Variants in GNA12 observed in about 807,000 individuals in gnomAD.
GNA12 encodes the protein G protein subunit alpha 12.
A neutral mutation model predicts 26.0 loss-of-function variants in GNA12; 9 were observed. The observed-to-expected ratio is 0.35, with a 90% CI of 0.21 to 0.60. The LOEUF is 0.60. Ranked by LOEUF, GNA12 falls within the 20% of genes least tolerant of loss-of-function variation. The probability of loss-of-function intolerance (pLI) is 0.78; values close to 1 mark genes in which losing one functional copy is unlikely to be tolerated. For synonymous variants in GNA12, 264 were observed against 219.6 expected (o/e 1.20, Z -1.79); for missense variants, 405 against 525.8 (o/e 0.77, Z 2.25).
At chr7:2,830,495 G>A (rs1162004979) in intron 1 of GNA12, among the ~76,000 whole-genome samples, 1 of 152,226 alleles carries the variant, frequency 6.6e-6, no homozygotes, top group Non-Finnish European at 1.5e-5. Context: ...CCCCTGTGGG[G>A]AGGGCGGCTC....
intron 2 of GNA12, among the ~76,000 whole-genome samples, chr7:2,757,820 A>G (rs911052086): frequency 2.0e-5 from 3 of 152,158 alleles, no homozygotes; most frequent in Non-Finnish European, 4.4e-5. Flanking sequence ...ACGCTTGCTG[A>G]GTCAATGAAG....
intron 1 of GNA12, among the ~76,000 whole-genome samples, chr7:2,836,551 G>C (rs951576816): frequency 6.6e-6 from 1 of 152,192 alleles, no homozygotes; most frequent in African/African-American, 2.4e-5. Context: ...TCCAAGAAGA[G>C]CCTGTTCTTG....
chr7:2,819,218 C>T lies in GNA12; in HGVS notation c.310-24075G>A, dbSNP rs111308014. On this transcript the variant is annotated intron_variant, in intron 1 of 3. Coordinates refer to ENST00000275364, the MANE Select transcript of GNA12 (RefSeq NM_007353.3). ...AGCCGAGGGAGGTCAGAAAAGAAACCGGACCTCAGTCCTACAGCTGCAAGG... is the reference window on the plus strand; with the variant it reads ...AGCCGAGGGAGGTCAGAAAAGAAACTGGACCTCAGTCCTACAGCTGCAAGG... Among the ~76,000 whole-genome samples the T allele has an allele frequency of 7.2e-3, 1,103 of 152,244 alleles. 13 individuals are homozygous for T. Among genetic ancestry groups the T allele is most frequent in the African/African-American group, 0.025 (1,042 of 41,522 alleles).
intron 2 of GNA12, among the ~76,000 whole-genome samples, chr7:2,788,332 G>A (rs1022429361): frequency 5.3e-5 from 8 of 150,868 alleles, no homozygotes; most frequent in African/African-American, 1.7e-4. Context: ...CCAGGTAACT[G>A]TGTTCCCGTT....
intron 2 of GNA12, among the ~76,000 whole-genome samples, chr7:2,751,310 C>T (rs899538360): frequency 2.0e-5 from 3 of 150,334 alleles, no homozygotes; most frequent in African/African-American, 7.3e-5. Context: ...AGGATCACTT[C>T]AACCCAGAAG....
chr7:2,756,674 C>A (rs1410877558), intron 2 of GNA12, among the ~76,000 whole-genome samples: 1 of 152,212 alleles, frequency 6.6e-6, no homozygotes, highest in Non-Finnish European at 1.5e-5. Context: ...GAAAAGATTT[C>A]TGTGCTGTCA....
Position 2,843,445 on chromosome 7 carries a change from G to A in GNA12, c.309+408C>T, listed in dbSNP as rs547526415. ...GGATCACTTGAGGCCAGGAGACTGA[G>A]ACCAGCCTGGGCAACACAGCAAGAC... On this transcript the variant is annotated intron_variant, in intron 1 of 3. Transcript: ENST00000275364. Among the ~76,000 whole-genome samples the A allele has an allele frequency of 9.2e-5, 14 of 152,218 alleles. No individual in the cohort carries two copies. In the South Asian group the frequency reaches 1.0e-3, roughly 11 times the overall value.
chr7:2,842,248 C>T (rs1779018557), intron 1 of GNA12, among the ~76,000 whole-genome samples: 1 of 152,126 alleles, frequency 6.6e-6, no homozygotes, highest in South Asian at 2.1e-4. Context: ...CCAGATCTTC[C>T]TTGAGGCCCT....
intron 2 of GNA12, among the ~76,000 whole-genome samples, chr7:2,744,080 T>TC (rs1790645502): frequency 6.6e-6 from 1 of 152,176 alleles, no homozygotes; most frequent in Non-Finnish European, 1.5e-5. Context: ...CTCTGTAGGT[T>TC]CCCCCTCTGG....
At chr7:2,770,615 C>A (rs892880425) in intron 2 of GNA12, among the ~76,000 whole-genome samples, 1 of 151,748 alleles carries the variant, frequency 6.6e-6, no homozygotes, top group African/African-American at 2.4e-5. Context: ...CAGCCTGGGC[C>A]ACATAGTGAG....
Position 2,731,334 on chromosome 7 carries a change from C to T in GNA12, c.993G>A (p.Leu331=). Reference sequence around the variant, plus strand: ...GTCTCTTCCTGTCGAAGCACTGGACCAGGTAGCGCTGGACGTCCTCCAGCC... The same window carrying T: ...GTCTCTTCCTGTCGAAGCACTGGACTAGGTAGCGCTGGACGTCCTCCAGCC... The part of the protein sequence containing the change: ...PHRLEDVQRY[L]VQCFDRKRRN... Residue 331 remains leucine, a synonymous_variant, in exon 4 of 4, where the codon CTG becomes CTA. Transcript: ENST00000275364. The surrounding 1 kb of genome is among the most constrained non-coding windows in gnomAD (Gnocchi z 6.0). 6.2e-7 allele frequency: 1 copy of T among 1,613,928 alleles called. No homozygotes were observed. The highest frequency in any genetic ancestry group is 8.5e-7 in the Non-Finnish European group (1 of 1,179,970).
chr7:2,814,088 C>A (rs890520942), intron 1 of GNA12, among the ~76,000 whole-genome samples: 1 of 152,152 alleles, frequency 6.6e-6, no homozygotes, highest in Non-Finnish European at 1.5e-5. Flanking sequence ...GTTCTCAGGC[C>A]TTCGGACATG....
chr7:2,769,977 C>G (rs1267468496), intron 2 of GNA12, among the ~76,000 whole-genome samples: 1 of 151,832 alleles, frequency 6.6e-6, no homozygotes, highest in Non-Finnish European at 1.5e-5. Context: ...AGTACTTTTT[C>G]AAAATTGCTT....
At chr7:2,774,669 C>T (rs982086016) in intron 2 of GNA12, among the ~76,000 whole-genome samples, 2 of 152,252 alleles carry the variant, frequency 1.3e-5, no homozygotes, top group Non-Finnish European at 2.9e-5. Flanking sequence ...ACAGTCAACA[C>T]GTGTCACTGA....
intron 1 of GNA12, among the ~76,000 whole-genome samples, chr7:2,842,364 A>G (rs1254075372): frequency 6.6e-6 from 1 of 152,062 alleles, no homozygotes; most frequent in East Asian, 1.9e-4. Context: ...AGTGGCCCAA[A>G]CATGGCTCAC....
rs1220916680 is a variant in GNA12 at position 2,737,269 on chromosome 7, GTTTT to G, written c.526-3772_526-3769del. Reference sequence around the variant, plus strand: ...CATTCAGGAGCTATCTCACAGTTTTGTTTTGTTTTTTTTTTTTTTGTTTTTTTTT... The same window carrying G: ...CATTCAGGAGCTATCTCACAGTTTTGGTTTTTTTTTTTTTTGTTTTTTTTT... On this transcript the variant is annotated intron_variant, in intron 2 of 3. Coordinates refer to ENST00000275364, the MANE Select transcript of GNA12 (RefSeq NM_007353.3). Among the ~76,000 whole-genome samples the G allele has an allele frequency of 7.3e-4, 28 of 38,122 alleles. 1 individual carries two copies. Among genetic ancestry groups the G allele is most frequent in the Non-Finnish European group, 1.2e-3 (22 of 18,462 alleles). The allele number at this position is 38,122 out of a possible 152,430, so 25.0% of individuals were successfully genotyped here.
chr7:2,799,473 T>G (rs1792756779), intron 1 of GNA12, among the ~76,000 whole-genome samples: 1 of 152,052 alleles, frequency 6.6e-6, no homozygotes, highest in Non-Finnish European at 1.5e-5. Context: ...TTCCAGCTAC[T>G]CAGGAGGCTG....
intron 2 of GNA12, among the ~76,000 whole-genome samples, chr7:2,737,719 A>G (rs1178277059): frequency 6.6e-6 from 1 of 152,218 alleles, no homozygotes; most frequent in Non-Finnish European, 1.5e-5. Flanking sequence ...ACTCACTTCA[A>G]CGTGACAAAT....
At chr7:2,777,108 TATCTG>T (rs1349298093) in intron 2 of GNA12, among the ~76,000 whole-genome samples, 1 of 152,110 alleles carries the variant, frequency 6.6e-6, no homozygotes, top group Non-Finnish European at 1.5e-5. Flanking sequence ...AGCCCTACCC[TATCTG>T]AATGGGAGTG....
Sources: allele counts gnomAD v4.1 joint callset (sites outside exome capture counted in the v4.1 genomes callset), GRCh38; gene constraint gnomAD v4.1.1; non-coding constraint Gnocchi (gnomAD v3.1); transcripts MANE v1.5; gene names NCBI Gene and HGNC (gene_info 2026-07-23, HGNC 2026-07-21).